Variants in NCKAP1L observed in about 807,000 individuals in gnomAD.
NCKAP1L encodes nck-associated protein 1-like.
Under a neutral mutation model 139.2 loss-of-function variants are expected in NCKAP1L, and 53 were observed. The observed-to-expected ratio is 0.38, with a 90% CI of 0.31 to 0.48. NCKAP1L has a LOEUF of 0.48. NCKAP1L is among the 20% of genes least tolerant of loss of function. NCKAP1L has a pLI of 0.98. For missense variants in NCKAP1L, 1,151 were observed against 1,381.9 expected (o/e 0.83, Z 2.65); for synonymous variants, 468 against 499.7 (o/e 0.94, Z 0.85).
Position 54,501,757 on chromosome 12 carries a change from C to T in NCKAP1L, c.306+1132C>T, listed in dbSNP as rs113541070. ...CTGGGCTCAAGCTATCCACCCACCT[C>T]GGCCTCCCAAAGGCTGGACTGTGCC... On this transcript the variant is annotated intron_variant, in intron 3 of 30. Coordinates refer to ENST00000293373, the MANE Select transcript of NCKAP1L (RefSeq NM_005337.5). Among the ~76,000 whole-genome samples the T allele has an allele frequency of 2.5e-3, 381 of 152,326 alleles. 2 individuals carry two copies. The highest frequency in any genetic ancestry group is 8.5e-3 in the African/African-American group (352 of 41,578).
intron 21 of NCKAP1L, among the ~76,000 whole-genome samples, chr12:54,526,958 C>T (rs1204877979): frequency 6.6e-6 from 1 of 152,232 alleles, no homozygotes; most frequent in Admixed American, 6.5e-5. Flanking sequence ...CTCACTGGAA[C>T]ATCCTTCAGC....
chr12:54,535,774 C>T (rs1957109308), intron 27 of NCKAP1L, among the ~76,000 whole-genome samples: 1 of 152,220 alleles, frequency 6.6e-6, no homozygotes, highest in African/African-American at 2.4e-5. Context: ...ACTTACCCTT[C>T]TTCTTCTCTC....
chr12:54,514,611 C>A (rs1251835378), intron 9 of NCKAP1L, among the ~76,000 whole-genome samples: 1 of 152,178 alleles, frequency 6.6e-6, no homozygotes, highest in African/African-American at 2.4e-5. Context: ...GCGTGAGCCA[C>A]CGCGCCTGGC....
chr12:54,541,678 TTAGAG>T (rs1291994797), intron 30 of NCKAP1L, among the ~76,000 whole-genome samples: 1 of 152,158 alleles, frequency 6.6e-6, no homozygotes, highest in Non-Finnish European at 1.5e-5. Flanking sequence ...GAGAAACACG[TTAGAG>T]TAGATATGGT....
rs184406299 is a variant in NCKAP1L, at chr12:54,509,954, C to G, written c.704C>G (p.Pro235Arg). Reference sequence around the variant, plus strand: ...CTTCTAAGCCTCATCAGCAACCCCCCAGCCATGATTAACCCTGCTAATTCA... The same window carrying G: ...CTTCTAAGCCTCATCAGCAACCCCCGAGCCATGATTAACCCTGCTAATTCA... ...AQLLSLISNP[P>R]AMINPANSDT... Residue 235 changes from proline (P) to arginine (R), a missense_variant, in exon 7 of 31, where the codon CCA (proline) becomes CGA (arginine). Physicochemically the swap from Pro to Arg is moderately radical, Grantham distance 103. Transcript: ENST00000293373. The G allele has an allele frequency of 1.5e-5, 24 of 1,614,256 alleles. No individual in the cohort carries two copies. In the African/African-American group the frequency reaches 2.3e-4, roughly 15 times the overall value.
intron 1 of NCKAP1L, among the ~76,000 whole-genome samples, chr12:54,498,436 T>C (rs74089999): frequency 0.04 from 6,024 of 150,330 alleles, 250 homozygotes; most frequent in African/African-American, 0.1. Flanking sequence ...TGTGTGTGTT[T>C]AGAATAGGAA....
chr12:54,531,911 G>C, intron 25 of NCKAP1L, 86 bp downstream of exon 25: 1 of 1,189,624 alleles, frequency 8.4e-7, no homozygotes, highest in African/African-American at 1.5e-5. Flanking sequence ...AGTATTGCGG[G>C]AATCAGTTTT....
chr12:54,530,099 A>G (rs1957055950), intron 22 of NCKAP1L, among the ~76,000 whole-genome samples: 1 of 152,266 alleles, frequency 6.6e-6, no homozygotes, highest in African/African-American at 2.4e-5. Context: ...GGCTGTGACC[A>G]GTTCCATTTC....
rs1957212227 is a variant in NCKAP1L, at chr12:54,547,941, T to G, written c.*5256T>G. The G allele has an allele frequency of 6.6e-6, 1 of 152,158 alleles. No individual in the cohort carries two copies. Among genetic ancestry groups the G allele is most frequent in the African/African-American group, 2.4e-5 (1 of 41,428 alleles). The allele number at this position is 152,158 out of a possible 1,614,324, so 9.4% of individuals were successfully genotyped here. On this transcript the variant is annotated 3_prime_UTR_variant, in exon 31 of 31. Coordinates refer to ENST00000293373, the MANE Select transcript of NCKAP1L (RefSeq NM_005337.5). The stretch of plus-strand genomic sequence containing the variant: ...TGGGAAGTCCCTTATTATTTCCACT[T>G]TTTTCTCCATCTCTGACTCTGCCAT...
intron 17 of NCKAP1L, 141 bp downstream of exon 17, chr12:54,520,967 G>C (rs1956978169): frequency 6.8e-7 from 1 of 1,473,716 alleles, no homozygotes; most frequent in Non-Finnish European, 9.4e-7. Flanking sequence ...ATCTCAGCTT[G>C]ATGTATCCTG....
In NCKAP1L at chr12:54,547,941, T is replaced by C. The variant is rs1957212227; in HGVS notation, c.*5256T>C. ...TGGGAAGTCCCTTATTATTTCCACT[T>C]TTTTCTCCATCTCTGACTCTGCCAT... On this transcript the variant is annotated 3_prime_UTR_variant, in exon 31 of 31. Coordinates refer to ENST00000293373, the MANE Select transcript of NCKAP1L (RefSeq NM_005337.5). 1 of 152,158 alleles carries C rather than the reference T, an allele frequency of 6.6e-6. No homozygotes were observed. The highest frequency in any genetic ancestry group is 1.5e-5 in the Non-Finnish European group (1 of 68,034). 9.4% of individuals were successfully genotyped at this position (152,158 alleles called of 1,614,324 possible).
At chr12:54,499,525 TCTC>T (rs1170132978) in intron 2 of NCKAP1L, 60 bp downstream of exon 2, 1 of 1,029,672 alleles carries the variant, frequency 9.7e-7, no homozygotes, top group African/African-American at 1.6e-5. Flanking sequence ...TGGCTGAAAT[TCTC>T]CTCTTTTGAT....
intron 30 of NCKAP1L, among the ~76,000 whole-genome samples, chr12:54,541,078 C>T (rs186532475): frequency 8.1e-4 from 123 of 152,350 alleles, no homozygotes; most frequent in Middle Eastern, 3.4e-3. Flanking sequence ...CATGCCTGCA[C>T]CTCAGTGTTG....
intron 30 of NCKAP1L, among the ~76,000 whole-genome samples, chr12:54,539,291 T>C (rs1289386327): frequency 1.3e-5 from 2 of 152,222 alleles, no homozygotes; most frequent in African/African-American, 2.4e-5. Flanking sequence ...TAATTACCTG[T>C]CCAGTACATG....
chr12:54,520,455 TG>T (rs1203086257), intron 16 of NCKAP1L, among the ~76,000 whole-genome samples: 2 of 152,202 alleles, frequency 1.3e-5, no homozygotes, highest in Non-Finnish European at 2.9e-5. Context: ...TAAACTTGCC[TG>T]GGGTCCTTTA....
intron 4 of NCKAP1L, 35 bp from the exon 5 acceptor site, chr12:54,508,354 T>C: frequency 3.1e-6 from 5 of 1,612,306 alleles, no homozygotes; most frequent in Non-Finnish European, 4.2e-6. Context: ...TAATTGGCCA[T>C]GCTGTCCTTG....
chr12:54,528,900 G>A lies in NCKAP1L; in HGVS notation c.2506+523G>A, dbSNP rs372053515. On this transcript the variant is annotated intron_variant, in intron 22 of 30. Coordinates refer to ENST00000293373, the MANE Select transcript of NCKAP1L (RefSeq NM_005337.5). ...TCTGCCCGCCTCAGCCTTCCAAAGCGCTGGGATTACAGGCATGAGCCACCA... is the reference window on the plus strand; with the variant it reads ...TCTGCCCGCCTCAGCCTTCCAAAGCACTGGGATTACAGGCATGAGCCACCA... 4.6e-5 allele frequency among the ~76,000 whole-genome samples: 7 copies of A among 152,180 alleles called. No individual in the cohort carries two copies. The East Asian group carries it at 7.7e-4, about 17-fold the overall frequency.
At chr12:54,536,792 C>T (rs1592353506) in intron 28 of NCKAP1L, 152 bp from the exon 29 acceptor site, 1 of 581,568 alleles carries the variant, frequency 1.7e-6, no homozygotes, top group Non-Finnish European at 3.1e-6. Flanking sequence ...GAATATCCTG[C>T]CTCTAATCTC....
At chr12:54,503,828 G>A (rs1331148732) in intron 3 of NCKAP1L, among the ~76,000 whole-genome samples, 2 of 151,764 alleles carry the variant, frequency 1.3e-5, no homozygotes, top group Admixed American at 1.3e-4. Flanking sequence ...TAGTAGAGAT[G>A]GGGGATCTCA....
Sources: allele counts gnomAD v4.1 joint callset (sites outside exome capture counted in the v4.1 genomes callset), GRCh38; gene constraint gnomAD v4.1.1; transcripts MANE v1.5; gene names NCBI Gene and HGNC (gene_info 2026-07-23, HGNC 2026-07-21).